The following PCLO variants were observed in gnomAD, a reference collection of about 807,000 sequenced individuals.
PCLO encodes piccolo presynaptic cytomatrix protein.
Under a neutral mutation model 427.5 loss-of-function variants are expected in PCLO, and 82 were observed. The observed-to-expected ratio is 0.19, with a 90% CI of 0.16 to 0.23. The LOEUF (loss-of-function observed/expected upper bound fraction) is 0.23, where lower values mean the gene tolerates loss of function less well. Ranked by LOEUF, PCLO falls within the 10% of genes least tolerant of loss-of-function variation. The probability of loss-of-function intolerance (pLI) is 1.00; values close to 1 mark genes in which losing one functional copy is unlikely to be tolerated. For missense variants in PCLO, 6,239 were observed against 6,115.9 expected (o/e 1.02, Z -0.67); for synonymous variants, 2,357 against 2,155.4 (o/e 1.09, Z -2.59).
Position 82,950,323 on chromosome 7 carries a change from T to C in PCLO, c.10265A>G (p.Gln3422Arg). ...CATATTTTCTCCCATGTCATCATAC[T>C]GTCCTCGGACTTTAGCTCCAGAACT... ...KRSSGAKVRG[Q>R]YDDMGENMTD... Residue 3422 changes from glutamine (Q) to arginine (R), a missense_variant, in exon 6 of 25, where the codon CAG (glutamine) becomes CGG (arginine). Physicochemically the swap from Gln to Arg is conservative, Grantham distance 43 (BLOSUM62 1). Coordinates refer to ENST00000333891, the MANE Select transcript of PCLO (RefSeq NM_033026.6). 5 of 1,613,784 alleles carry C rather than the reference T, an allele frequency of 3.1e-6. No homozygotes were observed. Among genetic ancestry groups the C allele is most frequent in the Middle Eastern group, 1.6e-4 (1 of 6,062 alleles).
At chr7:82,996,250 T>G (rs1796493119) in intron 3 of PCLO, among the ~76,000 whole-genome samples, 1 of 151,992 alleles carries the variant, frequency 6.6e-6, no homozygotes, top group Non-Finnish European at 1.5e-5. Flanking sequence ...TGTTTCAATT[T>G]TATTTTCAGT....
At chr7:83,079,888 C>CA (rs1380617609) in intron 3 of PCLO, among the ~76,000 whole-genome samples, 3 of 151,612 alleles carry the variant, frequency 2.0e-5, no homozygotes, top group Admixed American at 6.6e-5. Context: ...CTCACCCCCC[C>CA]ACAGACCCCA....
Position 82,915,235 on chromosome 7 carries a change from C to A in PCLO, c.12751G>T (p.Asp4251Tyr). 2 of 1,613,212 alleles carry A rather than the reference C, an allele frequency of 1.2e-6. No individual in the cohort carries two copies. The highest frequency in any genetic ancestry group is 1.1e-5 in the South Asian group (1 of 91,058). Residue 4251 changes from aspartate to tyrosine, a missense_variant, in exon 7 of 25, where the codon GAC becomes TAC. Asp to Tyr is a radical substitution (Grantham distance 160). Coordinates refer to ENST00000333891, the MANE Select transcript of PCLO (RefSeq NM_033026.6). ...ITFGLRKNIT[D>Y]QQKFMGSSLG... ...GAAGATCCCATAAATTTTTGTTGGT[C>A]TGTAATATTTTTTCTGAGGCCAAAA...
In PCLO at chr7:82,971,024, C is replaced by G. The variant is rs751600508; in HGVS notation, c.3301-4537G>C. ...TTTTTCATTCTTTAACAAAAATAAT[C>G]CAAAGATTTTTGTATCAGTGTATTC... On this transcript the variant is annotated intron_variant, in intron 3 of 24. Coordinates refer to ENST00000333891, the MANE Select transcript of PCLO (RefSeq NM_033026.6). 1.2e-3 allele frequency among the ~76,000 whole-genome samples: 186 copies of G among 151,478 alleles called. 5 individuals carry two copies. Among genetic ancestry groups the G allele is most frequent in the Non-Finnish European group, 3.7e-4 (25 of 67,680 alleles).
At chr7:82,785,670 C>T (rs569256871) in intron 22 of PCLO, among the ~76,000 whole-genome samples, 3 of 152,096 alleles carry the variant, frequency 2.0e-5, no homozygotes, top group Non-Finnish European at 2.9e-5. Context: ...AGATGGAGAG[C>T]GCCCACAGAT....
chr7:83,094,214 T>G (rs1254337398), intron 3 of PCLO, among the ~76,000 whole-genome samples: 3 of 146,568 alleles, frequency 2.0e-5, no homozygotes, highest in Non-Finnish European at 4.5e-5. Context: ...TTTTTTCTTT[T>G]TTTTTTTTTT....
chr7:82,755,574 T>A lies in PCLO; in HGVS notation c.*3001A>T, dbSNP rs769463736. 6.6e-6 allele frequency: 1 copy of A among 152,106 alleles called. No homozygotes were observed. Among genetic ancestry groups the A allele is most frequent in the Non-Finnish European group, 1.5e-5 (1 of 68,008 alleles). 9.4% of individuals were successfully genotyped at this position (152,106 alleles called of 1,614,324 possible). On this transcript the variant is annotated 3_prime_UTR_variant, in exon 25 of 25. Coordinates refer to ENST00000333891, the MANE Select transcript of PCLO (RefSeq NM_033026.6). Reference sequence around the variant, plus strand: ...GACTCAATGAAATTGTGGGAAAAACTGAGATGCTCTTCAAGGTAAAAGTGC... The same window carrying A: ...GACTCAATGAAATTGTGGGAAAAACAGAGATGCTCTTCAAGGTAAAAGTGC...
chr7:82,800,632 G>A (rs1791326949), intron 22 of PCLO, among the ~76,000 whole-genome samples: 1 of 152,074 alleles, frequency 6.6e-6, no homozygotes, highest in South Asian at 2.1e-4. Context: ...GTCTCCCTCT[G>A]TCGCCCAGGC....
chr7:82,809,001 A>G (rs955686972), intron 20 of PCLO, among the ~76,000 whole-genome samples: 1 of 151,992 alleles, frequency 6.6e-6, no homozygotes, highest in Non-Finnish European at 1.5e-5. Flanking sequence ...CCGTATTTTA[A>G]TATATCTTTT....
intron 3 of PCLO, among the ~76,000 whole-genome samples, chr7:83,021,667 G>A (rs1036742538): frequency 6.6e-6 from 1 of 152,050 alleles, no homozygotes; most frequent in African/African-American, 2.4e-5. Context: ...CAGTAAATTT[G>A]GAGCAAGGCC....
At chr7:83,014,195 A>G (rs1443452646) in intron 3 of PCLO, among the ~76,000 whole-genome samples, 1 of 152,016 alleles carries the variant, frequency 6.6e-6, no homozygotes, top group Non-Finnish European at 1.5e-5. Flanking sequence ...GATAGTTAAC[A>G]AAACAAGTCA....
At chr7:82,905,692 A>G (rs1794172979) in intron 8 of PCLO, among the ~76,000 whole-genome samples, 1 of 151,988 alleles carries the variant, frequency 6.6e-6, no homozygotes, top group South Asian at 2.1e-4. Context: ...GAGTGGAGGA[A>G]AAGTGTCCAA....
chr7:83,027,358 G>A (rs1005219381), intron 3 of PCLO, among the ~76,000 whole-genome samples: 1 of 152,250 alleles, frequency 6.6e-6, no homozygotes, highest in East Asian at 1.9e-4. Flanking sequence ...AAATCTAGAA[G>A]AAATGGATAA....
chr7:82,854,648 T>C (rs1328270453), intron 10 of PCLO, among the ~76,000 whole-genome samples: 1 of 152,156 alleles, frequency 6.6e-6, no homozygotes, highest in Non-Finnish European at 1.5e-5. Flanking sequence ...TTATATGCTA[T>C]GATAATATAC....
chr7:83,126,506 G>A (rs916818977), intron 3 of PCLO, among the ~76,000 whole-genome samples: 9 of 151,560 alleles, frequency 5.9e-5, no homozygotes, highest in South Asian at 4.2e-4. Context: ...ATATATACAC[G>A]TACTATGTAC....
At chr7:83,128,703 T>C (rs891370215) in intron 3 of PCLO, among the ~76,000 whole-genome samples, 4 of 152,154 alleles carry the variant, frequency 2.6e-5, no homozygotes, top group African/African-American at 9.6e-5. Flanking sequence ...GTAAAGTCTT[T>C]GCATGCATTG....
chr7:82,816,954 C>T (rs911896079), intron 20 of PCLO, among the ~76,000 whole-genome samples: 1 of 152,196 alleles, frequency 6.6e-6, no homozygotes, highest in Admixed American at 6.6e-5. Context: ...CTGTCTGATT[C>T]TGTATGTATA....
At position 82,952,883 on chromosome 7, in the gene PCLO, A is replaced by G; in HGVS notation, c.8070T>C (p.Gly2690=). ...GAATTGTTATGGAAATGCTGCTGAGACCAACACTAGGAGCTGTACTTCTGG... is the reference window on the plus strand; with the variant it reads ...GAATTGTTATGGAAATGCTGCTGAGGCCAACACTAGGAGCTGTACTTCTGG... The part of the protein sequence containing the change: ...SATRSTAPSV[G]LSSISITIPP... The change falls in exon 5 of 25, where the codon GGT becomes GGC. Residue 2690 remains glycine, a synonymous_variant. Transcript: ENST00000333891. The G allele has an allele frequency of 1.2e-6, 2 of 1,613,954 alleles. No homozygotes were observed. Among genetic ancestry groups the G allele is most frequent in the Non-Finnish European group, 1.7e-6 (2 of 1,179,870 alleles).
At chr7:82,848,404 AG>A (rs1463425116) in intron 10 of PCLO, among the ~76,000 whole-genome samples, 2 of 140,914 alleles carry the variant, frequency 1.4e-5, no homozygotes, top group Admixed American at 1.6e-4. Context: ...TCCGCCTTCC[AG>A]GTTCAAGCAA....
Sources: gnomAD v4.1 joint callset for allele counts (sites outside exome capture counted in the v4.1 genomes callset) on GRCh38, gnomAD v4.1.1 for gene constraint, MANE v1.5 for transcripts, NCBI Gene and HGNC (gene_info 2026-07-23, HGNC 2026-07-21) for gene names.